Variants in STXBP5L observed in about 807,000 individuals in gnomAD.
STXBP5L encodes the protein syntaxin-binding protein 5-like.
STXBP5L carries 65 observed loss-of-function variants against 144.5 expected under a neutral mutation model. That is an observed-to-expected ratio of 0.45 (90% CI 0.37 to 0.55). The LOEUF (loss-of-function observed/expected upper bound fraction) is 0.55. Among genes scored for constraint, STXBP5L ranks in the 20% least tolerant of loss-of-function variants. STXBP5L has a pLI of 0.00. For synonymous variants in STXBP5L, 505 were observed against 469.6 expected (o/e 1.08, Z -0.97); for missense variants, 1,298 against 1,405.5 (o/e 0.92, Z 1.22).
rs536245775 is a variant in STXBP5L, at chr3:121,290,989, A to T, written c.2110+11033A>T. Among the ~76,000 whole-genome samples the T allele has an allele frequency of 3.3e-5, 5 of 152,192 alleles. No homozygotes were observed. The East Asian group carries it at 7.7e-4, about 23-fold the overall frequency. On this transcript the variant is annotated intron_variant, in intron 19 of 26. Coordinates refer to ENST00000471454, the MANE Select transcript of STXBP5L (RefSeq NM_001308330.2). ...AAAACATTCCTTCTGAGAATTAGAA[A>T]AAAACAAAGATGCCCACTTTCACCA...
chr3:121,004,165 A>G (rs1217590892), intron 3 of STXBP5L, among the ~76,000 whole-genome samples: 1 of 152,092 alleles, frequency 6.6e-6, no homozygotes, highest in Non-Finnish European at 1.5e-5. Context: ...CATGATATTG[A>G]TTCTTCCTAC....
chr3:120,936,942 A>C (rs574853395), intron 2 of STXBP5L, among the ~76,000 whole-genome samples: 13 of 152,136 alleles, frequency 8.5e-5, no homozygotes, highest in Non-Finnish European at 1.6e-4. Context: ...GTCTATAATT[A>C]GGACTCAGTC....
chr3:121,343,014 T>C (rs960712978), intron 20 of STXBP5L, among the ~76,000 whole-genome samples: 6 of 151,726 alleles, frequency 4.0e-5, no homozygotes, highest in African/African-American at 1.2e-4. Context: ...ACCTGCTGTT[T>C]CCTGACTTTT....
intron 3 of STXBP5L, among the ~76,000 whole-genome samples, chr3:120,999,628 GT>G (rs547377804): frequency 1.3e-3 from 199 of 150,722 alleles, no homozygotes; most frequent in African/African-American, 4.4e-3. Flanking sequence ...GTTAGCTGGG[GT>G]TTTTTTTTGT....
At chr3:120,959,262 A>T (rs1288460536) in intron 3 of STXBP5L, among the ~76,000 whole-genome samples, 2 of 152,262 alleles carry the variant, frequency 1.3e-5, no homozygotes, top group Non-Finnish European at 2.9e-5. Context: ...GGATACAAAC[A>T]AATGGAAGAA....
chr3:121,134,740 C>CT (rs1491304318), intron 7 of STXBP5L, among the ~76,000 whole-genome samples: 1 of 151,828 alleles, frequency 6.6e-6, no homozygotes, highest in Non-Finnish European at 1.5e-5. Flanking sequence ...TGAACTCATC[C>CT]TTTTTTATGA....
intron 9 of STXBP5L, among the ~76,000 whole-genome samples, chr3:121,198,096 ATT>A (rs748725497): frequency 1.8e-4 from 27 of 152,072 alleles, no homozygotes; most frequent in South Asian, 2.1e-4. Context: ...GATTGAAGTA[ATT>A]TACACTGCCA....
At chr3:121,324,493 G>A (rs747573195) in intron 20 of STXBP5L, 6 of 691,884 alleles carry the variant, frequency 8.7e-6, no homozygotes, top group South Asian at 6.1e-5. Flanking sequence ...CTTCCTTTAG[G>A]ACTTGCTACC....
At chr3:121,363,889 G>C (rs1192402978) in intron 20 of STXBP5L, among the ~76,000 whole-genome samples, 2 of 151,974 alleles carry the variant, frequency 1.3e-5, no homozygotes, top group Non-Finnish European at 2.9e-5. Flanking sequence ...AGTTTATTTT[G>C]TTATTGTTGA....
intron 20 of STXBP5L, among the ~76,000 whole-genome samples, chr3:121,344,716 T>C (rs1291331969): frequency 1.3e-5 from 2 of 151,874 alleles, no homozygotes; most frequent in African/African-American, 4.8e-5. Flanking sequence ...TATAACTATA[T>C]TTGGTGGTTA....
intron 2 of STXBP5L, among the ~76,000 whole-genome samples, chr3:120,949,579 A>C (rs1444848286): frequency 6.6e-6 from 1 of 152,052 alleles, no homozygotes; most frequent in African/African-American, 2.4e-5. Flanking sequence ...ATCCACCTTG[A>C]GGTGATTTTT....
intron 10 of STXBP5L, among the ~76,000 whole-genome samples, chr3:121,212,596 A>T (rs939702317): frequency 6.7e-6 from 1 of 149,166 alleles, no homozygotes; most frequent in African/African-American, 2.4e-5. Context: ...TACCAGAAGC[A>T]TGCTGTTTTC....
chr3:121,015,838 G>A (rs962587616), intron 3 of STXBP5L, among the ~76,000 whole-genome samples: 1 of 152,120 alleles, frequency 6.6e-6, no homozygotes, highest in Middle Eastern at 3.2e-3. Context: ...GGGGCAAAAG[G>A]TGTTACAACT....
intron 5 of STXBP5L, among the ~76,000 whole-genome samples, chr3:121,090,057 G>T (rs1451264520): frequency 2.0e-5 from 3 of 151,844 alleles, no homozygotes; most frequent in Non-Finnish European, 4.4e-5. Context: ...ATGTCATCTT[G>T]CTGCTAGTAA....
intron 3 of STXBP5L, among the ~76,000 whole-genome samples, chr3:120,973,959 G>C (rs61160978): frequency 1.3e-5 from 2 of 151,736 alleles, no homozygotes; most frequent in Non-Finnish European, 1.5e-5. Context: ...CATTTGGGTT[G>C]GTTCCAAGTC....
chr3:120,964,806 G>A (rs763300583), intron 3 of STXBP5L, among the ~76,000 whole-genome samples: 12 of 152,158 alleles, frequency 7.9e-5, no homozygotes, highest in Non-Finnish European at 1.6e-4. Flanking sequence ...GCAGATCTGA[G>A]TTCAGGTCCT....
At chr3:120,963,720 G>C (rs1939174602) in intron 3 of STXBP5L, among the ~76,000 whole-genome samples, 1 of 152,108 alleles carries the variant, frequency 6.6e-6, no homozygotes, top group South Asian at 2.1e-4. Context: ...CAGGGATAGT[G>C]GTCTAAAATT....
In STXBP5L at chr3:120,975,976, G is replaced by A. The variant is rs1217826159; in HGVS notation, c.287+20939G>A. Among the ~76,000 whole-genome samples, 9 of 151,796 alleles carry A rather than the reference G, an allele frequency of 5.9e-5. No homozygotes were observed. In the South Asian group the frequency reaches 1.2e-3, roughly 21 times the overall value. On this transcript the variant is annotated intron_variant, in intron 3 of 26. Transcript: ENST00000471454. Reference sequence around the variant, plus strand: ...TTTTATTGAGGATTTTTGCATCAATGTTCATCAAGGATATTGGTCTAAAAT... The same window carrying A: ...TTTTATTGAGGATTTTTGCATCAATATTCATCAAGGATATTGGTCTAAAAT...
chr3:121,174,198 T>G (rs1341619858), intron 9 of STXBP5L, among the ~76,000 whole-genome samples: 1 of 152,148 alleles, frequency 6.6e-6, no homozygotes, highest in South Asian at 2.1e-4. Context: ...TGCATTTCTC[T>G]TGACTGCAAA....
Sources: gnomAD v4.1 joint callset for allele counts (sites outside exome capture counted in the v4.1 genomes callset) on GRCh38, gnomAD v4.1.1 for gene constraint, MANE v1.5 for transcripts, NCBI Gene and HGNC (gene_info 2026-07-23, HGNC 2026-07-21) for gene names.